The following OSBPL2 variants were observed in gnomAD, a reference collection of about 807,000 sequenced individuals.
OSBPL2 encodes oxysterol-binding protein-related protein 2.
Under a neutral mutation model 58.4 loss-of-function variants are expected in OSBPL2, and 18 were observed. The observed-to-expected ratio is 0.31, with a 90% confidence interval of 0.21 to 0.46. The LOEUF is 0.46. OSBPL2 is among the 20% of genes least tolerant of loss of function. The pLI, the probability that OSBPL2 is intolerant of heterozygous loss-of-function variation, is 1.00. For missense variants in OSBPL2, 461 were observed against 616.5 expected, an observed-to-expected ratio of 0.75 and a Z score of 2.67; for synonymous variants, 221 against 234.1, an observed-to-expected ratio of 0.94 and a Z score of 0.51.
chr20:62,281,387 CTT>C (rs930925123), intron 8 of OSBPL2: 1 of 555,782 alleles, frequency 1.8e-6, no homozygotes, highest in Non-Finnish European at 3.2e-6. Context: ...ACGGTTGTTA[CTT>C]TAAGGCTTTG....
At chr20:62,272,402 G>A (rs992519992) in intron 5 of OSBPL2, 143 bp downstream of exon 5, 26 of 886,108 alleles carry the variant, frequency 2.9e-5, no homozygotes, top group African/African-American at 8.4e-5. Flanking sequence ...CCTGGCGGTC[G>A]TGGCATTTGT....
chr20:62,240,624 C>T (rs1330367100), intron 1 of OSBPL2, among the ~76,000 whole-genome samples: 3 of 152,182 alleles, frequency 2.0e-5, no homozygotes, highest in Non-Finnish European at 4.4e-5. Flanking sequence ...TTAAACACTA[C>T]CCTGTACTGC....
chr20:62,292,140 C>T (rs2145982891), intron 13 of OSBPL2, among the ~76,000 whole-genome samples: 1 of 152,366 alleles, frequency 6.6e-6, no homozygotes, highest in Middle Eastern at 3.4e-3. Context: ...TGCCGGGCCT[C>T]ATGGTGTGTT....
rs568113374 is a variant in OSBPL2, at chr20:62,288,792, C to T, written c.1126-415C>T. On this transcript the variant is annotated intron_variant, in intron 11 of 13. Transcript: ENST00000313733. The surrounding 1 kb of genome is among the most constrained non-coding windows in gnomAD (Gnocchi z 4.8). ...AAATTAACTTGCTCCAGGGCTGAGG[C>T]TTTGGCAGGTGAAGGGGTAAAGAGG... 1.4e-4 allele frequency among the ~76,000 whole-genome samples: 21 copies of T among 152,172 alleles called. No homozygotes were observed. Among genetic ancestry groups the T allele is most frequent in the Non-Finnish European group, 2.5e-4 (17 of 67,994 alleles).
intron 12 of OSBPL2, 76 bp downstream of exon 12, chr20:62,289,406 G>C: frequency 6.6e-7 from 1 of 1,517,054 alleles, no homozygotes; most frequent in South Asian, 1.2e-5. Flanking sequence ...CAAAGCACTC[G>C]CTGGCAGAAG....
chr20:62,287,726 G>A lies in OSBPL2; in HGVS notation c.1125+1015G>A, dbSNP rs549019574. Among the ~76,000 whole-genome samples the A allele has an allele frequency of 1.1e-3, 164 of 152,306 alleles. 1 individual carries two copies. Among genetic ancestry groups the A allele is most frequent in the Middle Eastern group, 3.4e-3 (1 of 294 alleles). ...TCCTGCCTTGGCCTCCTGAGTTGCT[G>A]GGACCACAGGCATGAGACACTGTGG... On this transcript the variant is annotated intron_variant, in intron 11 of 13. Coordinates refer to ENST00000313733, the MANE Select transcript of OSBPL2 (RefSeq NM_144498.4).
chr20:62,243,175 A>G (rs975485612), intron 1 of OSBPL2, among the ~76,000 whole-genome samples: 8 of 152,182 alleles, frequency 5.3e-5, no homozygotes, highest in African/African-American at 1.7e-4. Flanking sequence ...GCGTGGGGCT[A>G]CCCTCTTACT....
intron 1 of OSBPL2, among the ~76,000 whole-genome samples, chr20:62,243,573 G>A (rs1979885561): frequency 6.6e-6 from 1 of 152,294 alleles, no homozygotes; most frequent in East Asian, 1.9e-4. Context: ...AAAAGCTGGG[G>A]GAACTTTTTA....
intron 2 of OSBPL2, among the ~76,000 whole-genome samples, chr20:62,257,242 G>A (rs534243977): frequency 6.6e-6 from 1 of 152,306 alleles, no homozygotes; most frequent in East Asian, 1.9e-4. Context: ...CCCCGAGGAT[G>A]TTGATGGCTC....
intron 1 of OSBPL2, among the ~76,000 whole-genome samples, chr20:62,253,063 G>A (rs983549288): frequency 4.6e-5 from 7 of 152,230 alleles, no homozygotes; most frequent in South Asian, 2.1e-4. Context: ...TCAGTGTTCC[G>A]GGCAAAACTG....
intron 6 of OSBPL2, among the ~76,000 whole-genome samples, chr20:62,274,316 C>T (rs1021629235): frequency 2.0e-5 from 3 of 152,240 alleles, no homozygotes; most frequent in Non-Finnish European, 4.4e-5. Context: ...GGTAATTCCT[C>T]AGCCATTGAG....
Position 62,269,435 on chromosome 20 carries a change from G to T in OSBPL2, c.259-2690G>T, listed in dbSNP as rs1157906418. 6.6e-6 allele frequency among the ~76,000 whole-genome samples: 1 copy of T among 152,214 alleles called. No homozygotes were observed. Among genetic ancestry groups the T allele is most frequent in the African/African-American group, 2.4e-5 (1 of 41,438 alleles). On this transcript the variant is annotated intron_variant, in intron 4 of 13. Transcript: ENST00000313733. This position sits in a 1 kb window ranked among gnomAD's most constrained non-coding sequence, Gnocchi z 4.2. ...CGTAGAGTTTGCTAGAAGCAGCCCAGTCCCCTCGTGGGGCTGCATCACTGT... is the reference window on the plus strand; with the variant it reads ...CGTAGAGTTTGCTAGAAGCAGCCCATTCCCCTCGTGGGGCTGCATCACTGT...
chr20:62,290,549 C>A (rs1299901011), intron 12 of OSBPL2, among the ~76,000 whole-genome samples: 1 of 149,676 alleles, frequency 6.7e-6, no homozygotes, highest in East Asian at 2.0e-4. Flanking sequence ...CCCCGAGTAG[C>A]TGGGACTACA....
chr20:62,263,046 G>A (rs746881803), intron 3 of OSBPL2, among the ~76,000 whole-genome samples: 13 of 152,182 alleles, frequency 8.5e-5, no homozygotes, highest in Non-Finnish European at 1.6e-4. Flanking sequence ...CCAGGGCCCC[G>A]GGTCAGTGGT....
At chr20:62,282,219 G>A (rs1375217621) in intron 9 of OSBPL2, 3 of 193,042 alleles carry the variant, frequency 1.6e-5, no homozygotes, top group African/African-American at 6.9e-5. Context: ...GGGAAGTGTG[G>A]CCTTGCGTTT....
intron 11 of OSBPL2, 149 bp downstream of exon 11, chr20:62,286,860 T>G: frequency 1.1e-6 from 1 of 937,584 alleles, no homozygotes; most frequent in Admixed American, 2.7e-5. Flanking sequence ...CCTCCGCCAT[T>G]GTCGGAGTGG....
At chr20:62,262,681 TGGCATTCCCGG>T (rs1446337905) in intron 3 of OSBPL2, among the ~76,000 whole-genome samples, 2 of 152,190 alleles carry the variant, frequency 1.3e-5, no homozygotes, top group African/African-American at 4.8e-5. Context: ...TGCCCTGACG[TGGCATTCCCGG>T]GGCATAGCTC....
At position 62,257,567 on chromosome 20, in the gene OSBPL2, C is replaced by T. The variant is rs116798094; in HGVS notation, c.37+1346C>T. 3.6e-3 allele frequency among the ~76,000 whole-genome samples: 542 copies of T among 152,292 alleles called. 7 individuals carry two copies. The highest frequency in any genetic ancestry group is 0.012 in the African/African-American group (505 of 41,566). On this transcript the variant is annotated intron_variant, in intron 2 of 13. Coordinates refer to ENST00000313733, the MANE Select transcript of OSBPL2 (RefSeq NM_144498.4). ...CACACAGCGGAGGGATTGTCAGGCT[C>T]TCACACCCTTGGGCTGACCTCTAGT... is the stretch of plus-strand genomic sequence containing the variant.
At chr20:62,266,686 C>G (rs953996735) in intron 4 of OSBPL2, among the ~76,000 whole-genome samples, 9 of 152,200 alleles carry the variant, frequency 5.9e-5, no homozygotes, top group Non-Finnish European at 1.2e-4. Flanking sequence ...TCTCCTCCCT[C>G]GTATTTTGAA....
Sources: allele counts gnomAD v4.1 joint callset (sites outside exome capture counted in the v4.1 genomes callset), GRCh38; gene constraint gnomAD v4.1.1; non-coding constraint Gnocchi (gnomAD v3.1); transcripts MANE v1.5; gene names NCBI Gene and HGNC (gene_info 2026-07-23, HGNC 2026-07-21).